APOB: variants seen among roughly 807,000 people sequenced by gnomAD.
APOB encodes apolipoprotein B, also known as apolipoprotein B-100.
APOB carries 153 observed loss-of-function variants against 314.1 expected under a neutral mutation model. That is an observed-to-expected ratio of 0.49 (90% CI 0.43 to 0.56). The LOEUF is 0.56. APOB is among the 20% of genes least tolerant of loss of function. APOB has a pLI of 0.00. For synonymous variants in APOB, 2,087 were observed against 2,036.4 expected (o/e 1.02, Z -0.67); for missense variants, 5,430 against 5,350.7 (o/e 1.01, Z -0.46).
chr2:21,008,866 T>A lies in APOB; in HGVS notation c.8002A>T (p.Met2668Leu). The A allele has an allele frequency of 6.2e-7, 1 of 1,614,072 alleles. No homozygotes were observed. The highest frequency in any genetic ancestry group is 1.1e-5 in the South Asian group (1 of 91,082). The change falls in exon 26 of 29, where the codon ATG becomes TTG. Residue 2668 changes from methionine (M) to leucine (L), a missense_variant. By Grantham distance (15) the Met-to-Leu change is conservative (BLOSUM62 2). Transcript: ENST00000233242. ...ATGGTTCTGATGATCTTTACTTTCA[T>A]TTCTACAAAGTCAATTGTAAAGGAA... is the stretch of plus-strand genomic sequence containing the variant. ...IPSFTIDFVE[M>L]KVKIIRTIDQ... is the part of the protein sequence containing the mutation.
At chr2:21,017,232 C>G (rs1360863770) in intron 20 of APOB, among the ~76,000 whole-genome samples, 1 of 151,724 alleles carries the variant, frequency 6.6e-6, no homozygotes, top group Non-Finnish European at 1.5e-5. Context: ...TTATGGATTG[C>G]CTGTTATGAG....
chr2:21,028,662 C>A, intron 12 of APOB, 124 bp from the exon 13 acceptor site: 1 of 704,238 alleles, frequency 1.4e-6, no homozygotes, highest in East Asian at 2.6e-5. Context: ...TGTAATCGTT[C>A]TTCAAATGCT....
At chr2:21,019,617 C>T in intron 19 of APOB, 106 bp downstream of exon 19, 4 of 1,216,200 alleles carry the variant, frequency 3.3e-6, no homozygotes, top group South Asian at 2.6e-5. Context: ...ACCCAGAAGG[C>T]TAGTGACAGG....
chr2:21,031,249 GC>G (rs751165570), intron 10 of APOB, among the ~76,000 whole-genome samples: 13 of 152,194 alleles, frequency 8.5e-5, no homozygotes, highest in Non-Finnish European at 1.6e-4. Context: ...AAATGTATAG[GC>G]AATAAAATAC....
chr2:21,033,254 G>C, intron 9 of APOB, 45 bp downstream of exon 9: 1 of 1,506,050 alleles, frequency 6.6e-7, no homozygotes, highest in Non-Finnish European at 9.2e-7. Flanking sequence ...AGTTCAGTCA[G>C]TTACCATCAG....
rs1321654892 is a variant in APOB, at chr2:21,007,451, G to T, written c.9417C>A (p.Tyr3139Ter). The change falls in exon 26 of 29, where the codon TAC becomes TAA. Residue 3139 changes from tyrosine to a stop codon, truncating the protein, a stop_gained. Transcript: ENST00000233242. LOFTEE classifies it high-confidence loss of function. ...PLTIPEMRLP[Y>*]TIITTPPLKD... ...TCAGTGGAGGAGTTGTGATTATTGT[G>T]TAAGGTAGACGCATTTCAGGAATTG... The T allele has an allele frequency of 6.2e-7, 1 of 1,614,054 alleles. No homozygotes were observed. Among genetic ancestry groups the T allele is most frequent in the East Asian group, 2.2e-5 (1 of 44,880 alleles).
chr2:21,027,160 A>G (rs1056364644), intron 14 of APOB, among the ~76,000 whole-genome samples, 196 bp from the exon 15 acceptor site: 1 of 152,204 alleles, frequency 6.6e-6, no homozygotes, highest in African/African-American at 2.4e-5. Flanking sequence ...GCTTTTTTCT[A>G]GAAGAGGCAG....
chr2:21,043,524 A>G lies in APOB; in HGVS notation c.110T>C (p.Leu37Pro), dbSNP rs749171742. The stretch of plus-strand genomic sequence containing the variant: ...CGCAGATGCCTTACTTGGACAGACC[A>G]GGCTGACATTTTCCAGCATTTCCTC... ...AEEEMLENVSLVCPKDATRFK... is the reference protein window; with the variant it reads ...AEEEMLENVSPVCPKDATRFK... The change falls in exon 2 of 29, where the codon CTG becomes CCG. Residue 37 changes from leucine (L) to proline (P), a missense_variant. Leu to Pro is a moderately conservative substitution (Grantham distance 98). Coordinates refer to ENST00000233242, the MANE Select transcript of APOB (RefSeq NM_000384.3). 1 of 1,605,308 alleles carries G rather than the reference A, an allele frequency of 6.2e-7. No homozygotes were observed. The highest frequency in any genetic ancestry group is 1.1e-5 in the South Asian group (1 of 88,992).
chr2:21,031,919 A>T lies in APOB; in HGVS notation c.1352+435T>A, dbSNP rs1200576062. Reference sequence around the variant, plus strand: ...ATTCAGAGGAAAAAACTGCTAACTAATATTGAACTGAAGTTAATAATATGC... The same window carrying T: ...ATTCAGAGGAAAAAACTGCTAACTATTATTGAACTGAAGTTAATAATATGC... On this transcript the variant is annotated intron_variant, in intron 10 of 28. Transcript: ENST00000233242. Among the ~76,000 whole-genome samples the T allele has an allele frequency of 6.6e-6, 1 of 152,170 alleles. No homozygotes were observed. The highest frequency in any genetic ancestry group is 1.5e-5 in the Non-Finnish European group (1 of 68,038).
In APOB at chr2:21,034,815, C is replaced by T; in HGVS notation, c.904+1G>A. The T allele has an allele frequency of 6.4e-7, 1 of 1,571,388 alleles. No homozygotes were observed. Among genetic ancestry groups the T allele is most frequent in the Admixed American group, 1.7e-5 (1 of 59,988 alleles). ...GCAACTATGTGGACAGAAACTCTTA[C>T]CTTCACCAAAGAAGCGGCTGTTGAT... On this transcript the variant is annotated splice_donor_variant, in intron 8 of 28. Transcript: ENST00000233242. LOFTEE classifies it high-confidence loss of function.
At chr2:21,039,751 T>C (rs1286679032) in intron 4 of APOB, among the ~76,000 whole-genome samples, 2 of 152,194 alleles carry the variant, frequency 1.3e-5, no homozygotes, top group African/African-American at 4.8e-5. Flanking sequence ...GAGTCTCTTC[T>C]GTATTTGGAG....
At position 21,028,309 on chromosome 2, in the gene APOB, T is replaced by C; in HGVS notation, c.1829+18A>G. 1 of 1,599,524 alleles carries C rather than the reference T, an allele frequency of 6.3e-7. No homozygotes were observed. Among genetic ancestry groups the C allele is most frequent in the Non-Finnish European group, 8.6e-7 (1 of 1,166,814 alleles). On this transcript the variant is annotated intron_variant, in intron 13 of 28. Transcript: ENST00000233242. ...TCAGGGCCCTCAGTGGTATATGGGGTGAATAGCTCTTACTTACTCTTGGAT... is the reference window on the plus strand; with the variant it reads ...TCAGGGCCCTCAGTGGTATATGGGGCGAATAGCTCTTACTTACTCTTGGAT...
Position 21,001,770 on chromosome 2 carries a change from T to A in APOB, c.13652A>T (p.Tyr4551Phe). Residue 4551 changes from tyrosine to phenylalanine, a missense_variant, in exon 29 of 29, where the codon TAC becomes TTC. By Grantham distance (22) the Tyr-to-Phe change is conservative. This residue lies in a region of APOB where 3,281 missense variants were observed against 3,171.0 expected (regional missense o/e 1.03). Transcript: ENST00000233242. ...KLQSTTVMNP[Y>F]MKLAPGELTI... ...AAGTTCTCCTGGAGCAAGCTTCATGTAGGGGTTCATGACTGTGGTTGATTG... is the reference window on the plus strand; with the variant it reads ...AAGTTCTCCTGGAGCAAGCTTCATGAAGGGGTTCATGACTGTGGTTGATTG... 3 of 1,614,022 alleles carry A rather than the reference T, an allele frequency of 1.9e-6. No individual in the cohort carries two copies. Among genetic ancestry groups the A allele is most frequent in the Non-Finnish European group, 2.5e-6 (3 of 1,179,934 alleles).
intron 24 of APOB, among the ~76,000 whole-genome samples, chr2:21,013,847 ATAAT>A (rs1315775908): frequency 6.6e-6 from 1 of 152,196 alleles, no homozygotes; most frequent in Non-Finnish European, 1.5e-5. Context: ...TTTTGCTTAT[ATAAT>A]TAATTATTTC....
At chr2:21,039,811 C>T (rs1664089241) in intron 4 of APOB, among the ~76,000 whole-genome samples, 1 of 152,182 alleles carries the variant, frequency 6.6e-6, no homozygotes, top group Non-Finnish European at 1.5e-5. Flanking sequence ...CCACCATACC[C>T]CTCTCCCTCA....
Position 21,002,149 on chromosome 2 carries a change from A to G in APOB, c.13273T>C (p.Tyr4425His), listed in dbSNP as rs764917617. 1.2e-5 allele frequency: 19 copies of G among 1,614,020 alleles called. No homozygotes were observed. Among genetic ancestry groups the G allele is most frequent in the Non-Finnish European group, 1.6e-5 (19 of 1,179,984 alleles). Residue 4425 changes from tyrosine to histidine, a missense_variant, in exon 29 of 29, where the codon TAT becomes CAT. By Grantham distance (83) the Tyr-to-His change is moderately conservative. Coordinates refer to ENST00000233242, the MANE Select transcript of APOB (RefSeq NM_000384.3). ...LVALKDFHSE[Y>H]IVSASNFTSQ... The stretch of plus-strand genomic sequence containing the variant: ...GTAAAGTTAGAGGCACTGACAATAT[A>G]TTCAGAATGGAAGTCCTTAAGAGCA...
intron 19 of APOB, 82 bp downstream of exon 19, chr2:21,019,641 G>C (rs1296004839): frequency 3.5e-6 from 5 of 1,412,754 alleles, no homozygotes. Flanking sequence ...TTACAACACA[G>C]AGTATTTTTT....
In APOB at chr2:21,007,439, T is replaced by C. The variant is rs1407692778; in HGVS notation, c.9429A>G (p.Thr3143=). The change falls in exon 26 of 29, where the codon ACA becomes ACG. Residue 3143 remains threonine (T), a synonymous_variant. Coordinates refer to ENST00000233242, the MANE Select transcript of APOB (RefSeq NM_000384.3). ...PEMRLPYTII[T]TPPLKDFSLW... is the part of the protein sequence containing the mutation. ...GAGAGAAATCTTTCAGTGGAGGAGT[T>C]GTGATTATTGTGTAAGGTAGACGCA... 1 of 1,613,952 alleles carries C rather than the reference T, an allele frequency of 6.2e-7. No homozygotes were observed. The highest frequency in any genetic ancestry group is 8.5e-7 in the Non-Finnish European group (1 of 1,179,968).
Position 21,004,236 on chromosome 2 carries a change from T to C in APOB, c.12087+33A>G, listed in dbSNP as rs565566051. 5 of 1,610,278 alleles carry C rather than the reference T, an allele frequency of 3.1e-6. No individual in the cohort carries two copies. In the Admixed American group the frequency reaches 6.7e-5, roughly 21 times the overall value. On this transcript the variant is annotated intron_variant, in intron 28 of 28. Coordinates refer to ENST00000233242, the MANE Select transcript of APOB (RefSeq NM_000384.3). ...ATCTGCCCCAATTCTCCACTCGCTCTTGGGGGCGTGTCACTCATTAGGTGG... is the reference window on the plus strand; with the variant it reads ...ATCTGCCCCAATTCTCCACTCGCTCCTGGGGGCGTGTCACTCATTAGGTGG...
Sources: allele counts gnomAD v4.1 joint callset (sites outside exome capture counted in the v4.1 genomes callset), GRCh38; gene constraint gnomAD v4.1.1; regional missense constraint gnomAD v4.1.1; transcripts MANE v1.5; gene names NCBI Gene and HGNC (gene_info 2026-07-23, HGNC 2026-07-21).